The following PRDM2 variants were observed in gnomAD, a reference collection of about 807,000 sequenced individuals.
The protein encoded by PRDM2 is PR domain zinc finger protein 2.
Under a neutral mutation model 130.0 loss-of-function variants are expected in PRDM2, and 30 were observed. That is an observed-to-expected ratio of 0.23 (90% CI 0.17 to 0.31). The LOEUF (loss-of-function observed/expected upper bound fraction) is 0.31, where lower values mean the gene tolerates loss of function less well. Ranked by LOEUF, PRDM2 falls within the 10% of genes least tolerant of loss-of-function variation. The pLI is 1.00. For synonymous variants in PRDM2, 871 were observed against 782.4 expected (o/e 1.11, Z -1.89); for missense variants, 2,011 against 2,108.4 (o/e 0.95, Z 0.90).
intron 2 of PRDM2, among the ~76,000 whole-genome samples, chr1:13,726,522 A>G (rs1384131489): frequency 6.6e-6 from 1 of 152,162 alleles, no homozygotes; most frequent in East Asian, 1.9e-4. Context: ...AGTATGTGTT[A>G]ATGACTGACG....
At chr1:13,747,746 C>T (rs1321636868) in intron 5 of PRDM2, among the ~76,000 whole-genome samples, 3 of 139,462 alleles carry the variant, frequency 2.2e-5, no homozygotes, top group Non-Finnish European at 4.6e-5. Context: ...GTTTCTAAAC[C>T]GTAGGTGGAA....
At chr1:13,797,381 C>A (rs1183997798) in intron 8 of PRDM2, among the ~76,000 whole-genome samples, 1 of 152,162 alleles carries the variant, frequency 6.6e-6, no homozygotes, top group Non-Finnish European at 1.5e-5. Context: ...CACGTAGGAG[C>A]CAACTGTTTG....
chr1:13,783,315 A>G lies in PRDM2; in HGVS notation c.5036+484A>G, dbSNP rs145506045. 2,924 of 369,720 alleles carry G rather than the reference A, an allele frequency of 7.9e-3. 26 individuals carry two copies. Among genetic ancestry groups the G allele is most frequent in the Non-Finnish European group, 9.5e-3 (1,794 of 188,920 alleles). 22.9% of individuals were successfully genotyped at this position (369,720 alleles called of 1,614,324 possible). On this transcript the variant is annotated intron_variant, in intron 8 of 9. Transcript: ENST00000311066. ...CTGACACTTTCTTTCAGAATTGCCA[A>G]TGCTTAAATTTTAATAATTGATTGC...
chr1:13,734,605 A>G (rs973372139), intron 4 of PRDM2, among the ~76,000 whole-genome samples: 13 of 152,230 alleles, frequency 8.5e-5, no homozygotes, highest in Non-Finnish European at 1.8e-4. Flanking sequence ...GAAAATTTGG[A>G]ACCATGACTT....
chr1:13,776,343 C>T (rs1202099855), intron 7 of PRDM2, among the ~76,000 whole-genome samples: 1 of 152,098 alleles, frequency 6.6e-6, no homozygotes, highest in Non-Finnish European at 1.5e-5. Context: ...CTCCGTGGAA[C>T]CTTTCTTAAC....
intron 9 of PRDM2, 103 bp from the exon 10 acceptor site, chr1:13,823,056 A>G (rs1645378848): frequency 1.7e-6 from 2 of 1,168,814 alleles, no homozygotes; most frequent in African/African-American, 1.5e-5. Flanking sequence ...ATGTTTCAAT[A>G]AACAGTTTAG....
intron 2 of PRDM2, among the ~76,000 whole-genome samples, chr1:13,719,122 C>T (rs772488914): frequency 3.9e-5 from 6 of 152,060 alleles, no homozygotes; most frequent in Non-Finnish European, 8.8e-5. Flanking sequence ...TAAACAAGAT[C>T]TTGTTATAAA....
intron 6 of PRDM2, among the ~76,000 whole-genome samples, chr1:13,757,724 G>A (rs1196572001): frequency 6.7e-6 from 1 of 149,822 alleles, no homozygotes; most frequent in Non-Finnish European, 1.5e-5. Context: ...TTTAGGTGGT[G>A]ACATTTTGTT....
At chr1:13,759,503 A>G (rs935833087) in intron 6 of PRDM2, among the ~76,000 whole-genome samples, 3 of 151,896 alleles carry the variant, frequency 2.0e-5, no homozygotes, top group African/African-American at 7.3e-5. Context: ...TTTGTCTTTC[A>G]TGTTTGGGAT....
intron 6 of PRDM2, among the ~76,000 whole-genome samples, chr1:13,766,009 C>A (rs1362643722): frequency 1.3e-5 from 2 of 152,144 alleles, no homozygotes; most frequent in Non-Finnish European, 2.9e-5. Context: ...CGAAAGACAC[C>A]TTTGACTTTG....
intron 8 of PRDM2, among the ~76,000 whole-genome samples, chr1:13,793,849 T>C (rs1644881423): frequency 6.6e-6 from 1 of 151,272 alleles, no homozygotes; most frequent in African/African-American, 2.5e-5. Context: ...AAAAAAAAGT[T>C]AGTGTTTTAA....
intron 2 of PRDM2, among the ~76,000 whole-genome samples, chr1:13,718,536 C>T (rs1642619687): frequency 6.6e-6 from 1 of 152,188 alleles, no homozygotes; most frequent in Non-Finnish European, 1.5e-5. Context: ...GTGATAGCTC[C>T]CTCTGAGCCC....
chr1:13,768,085 T>TG (rs929027787), intron 6 of PRDM2, among the ~76,000 whole-genome samples: 1 of 148,654 alleles, frequency 6.7e-6, no homozygotes, highest in Non-Finnish European at 1.5e-5. Context: ...TTTTTTTTTT[T>TG]TTTTTTTTTT....
Position 13,780,884 on chromosome 1 carries a change from C to G in PRDM2, c.3089C>G (p.Ser1030Cys). The G allele has an allele frequency of 6.2e-7, 1 of 1,613,254 alleles. No homozygotes were observed. The highest frequency in any genetic ancestry group is 8.5e-7 in the Non-Finnish European group (1 of 1,179,374). ...ATTCTGTCCCCAACAGTGTCCCCCT[C>G]TCCCTCTCCCATTCCTCCCGTGGAG... The part of the protein sequence containing the change: ...LPILSPTVSP[S>C]PSPIPPVEPL... Residue 1030 changes from serine (S) to cysteine (C), a missense_variant, in exon 8 of 10, where the codon TCT becomes TGT. Ser to Cys is a moderately radical substitution (Grantham distance 112, BLOSUM62 -1). Coordinates refer to ENST00000311066, the MANE Select transcript of PRDM2 (RefSeq NM_001393986.1).
rs966841816 is a variant in PRDM2, at chr1:13,779,799, T to A, written c.2004T>A (p.Pro668=). 1.9e-6 allele frequency: 3 copies of A among 1,614,104 alleles called. No homozygotes were observed. In the African/African-American group the frequency reaches 4.0e-5, roughly 22 times the overall value. ...TCCCCTCTTGCTCTTTAAGTCTTCC[T>A]CTTAGCATATCAACAACAGAGGCAG... ...PMVPSCSLSL[P]LSISTTEAVS... is the part of the protein sequence containing the mutation. Residue 668 remains proline, a synonymous_variant, in exon 8 of 10, where the codon CCT becomes CCA. Coordinates refer to ENST00000311066, the MANE Select transcript of PRDM2 (RefSeq NM_001393986.1). The surrounding 1 kb of genome is among the most constrained non-coding windows in gnomAD (Gnocchi z 4.9).
chr1:13,747,052 A>G (rs1643633017), intron 5 of PRDM2, among the ~76,000 whole-genome samples: 1 of 152,228 alleles, frequency 6.6e-6, no homozygotes, highest in Non-Finnish European at 1.5e-5. Context: ...TAACTTCACC[A>G]AGTTGCTAGT....
chr1:13,769,310 T>C (rs1434032083), intron 6 of PRDM2: 1 of 319,542 alleles, frequency 3.1e-6, no homozygotes, highest in African/African-American at 2.2e-5. Context: ...TGATGACATA[T>C]AGGACAGAAA....
chr1:13,712,156 C>T lies in PRDM2; in HGVS notation c.-65-3385C>T, dbSNP rs141161525. On this transcript the variant is annotated intron_variant, in intron 1 of 9. Transcript: ENST00000311066. ...GGAGGATCACTTGAGCCCAGGAGTTCGAGGCTGCAGTGAGCTATGATTGTG... is the reference window on the plus strand; with the variant it reads ...GGAGGATCACTTGAGCCCAGGAGTTTGAGGCTGCAGTGAGCTATGATTGTG... Among the ~76,000 whole-genome samples, 789 of 151,460 alleles carry T rather than the reference C, an allele frequency of 5.2e-3. 9 individuals carry two copies. Among genetic ancestry groups the T allele is most frequent in the African/African-American group, 0.018 (727 of 41,264 alleles).
chr1:13,714,234 T>C (rs188316919), intron 1 of PRDM2, among the ~76,000 whole-genome samples: 1 of 152,292 alleles, frequency 6.6e-6, no homozygotes, highest in Admixed American at 6.5e-5. Flanking sequence ...TTATGTTCAA[T>C]ATGTGATGTT....
Sources: allele counts gnomAD v4.1 joint callset (sites outside exome capture counted in the v4.1 genomes callset), GRCh38; gene constraint gnomAD v4.1.1; non-coding constraint Gnocchi (gnomAD v3.1); transcripts MANE v1.5; gene names NCBI Gene and HGNC (gene_info 2026-07-23, HGNC 2026-07-21).